Variants in PAPSS1 observed in about 807,000 individuals in gnomAD.
PAPSS1 encodes 3'-phosphoadenosine 5'-phosphosulfate synthase 1.
PAPSS1 carries 50 observed loss-of-function variants against 72.0 expected under a neutral mutation model. The observed-to-expected ratio is 0.69, with a 90% CI of 0.55 to 0.88. PAPSS1 has a LOEUF of 0.88. Among genes scored for constraint, PAPSS1 ranks in the 40% least tolerant of loss-of-function variants. The probability of loss-of-function intolerance (pLI) is 0.00; values close to 1 mark genes in which losing one functional copy is unlikely to be tolerated. For synonymous variants in PAPSS1, 261 were observed against 263.6 expected, an observed-to-expected ratio of 0.99 and a Z score of 0.09; for missense variants, 657 against 782.2, an observed-to-expected ratio of 0.84 and a Z score of 1.91.
At chr4:107,674,102 T>C (rs1727573436) in intron 5 of PAPSS1, among the ~76,000 whole-genome samples, 1 of 151,724 alleles carries the variant, frequency 6.6e-6, no homozygotes, top group African/African-American at 2.4e-5. Flanking sequence ...TGTGACAAAT[T>C]GTAAAGACCG....
chr4:107,703,471 C>G (rs1386757762), intron 1 of PAPSS1, among the ~76,000 whole-genome samples: 3 of 150,016 alleles, frequency 2.0e-5, no homozygotes, highest in African/African-American at 7.3e-5. Context: ...TCCTACTTTC[C>G]TCTAGCAGTT....
chr4:107,627,288 A>T (rs1254203275), intron 11 of PAPSS1, among the ~76,000 whole-genome samples: 2 of 152,360 alleles, frequency 1.3e-5, no homozygotes, highest in Admixed American at 1.3e-4. Context: ...GCATTTAGCC[A>T]TTAGCAGAAT....
At chr4:107,640,151 A>C (rs1726497445) in intron 10 of PAPSS1, among the ~76,000 whole-genome samples, 1 of 152,236 alleles carries the variant, frequency 6.6e-6, no homozygotes, top group South Asian at 2.1e-4. Flanking sequence ...AAATAGATTC[A>C]GTATTTAGTG....
chr4:107,667,843 T>C (rs1727359983), intron 5 of PAPSS1, among the ~76,000 whole-genome samples: 1 of 152,212 alleles, frequency 6.6e-6, no homozygotes, highest in African/African-American at 2.4e-5. Context: ...TGCACTTACA[T>C]AGAACAAGCA....
intron 5 of PAPSS1, among the ~76,000 whole-genome samples, chr4:107,677,139 T>A: frequency 6.6e-6 from 1 of 152,104 alleles, no homozygotes; most frequent in Non-Finnish European, 1.5e-5. Context: ...GGACTTCATA[T>A]CTAAAACACC....
chr4:107,712,186 T>C (rs957628990), intron 1 of PAPSS1, among the ~76,000 whole-genome samples: 3 of 152,152 alleles, frequency 2.0e-5, no homozygotes, highest in Admixed American at 2.0e-4. Flanking sequence ...TACCTCCAAC[T>C]GGGAATTCCG....
intron 9 of PAPSS1, 103 bp downstream of exon 9, chr4:107,653,388 T>G: frequency 1.0e-6 from 1 of 980,456 alleles, no homozygotes; most frequent in South Asian, 2.3e-5. Context: ...ACTGCTATAT[T>G]TACCTGTACT....
chr4:107,651,413 C>T (rs929485830), intron 9 of PAPSS1, among the ~76,000 whole-genome samples: 2 of 152,150 alleles, frequency 1.3e-5, no homozygotes, highest in Non-Finnish European at 2.9e-5. Flanking sequence ...CTTCAGTTCA[C>T]ACAACAAAAA....
rs137920897 is a variant in PAPSS1 at position 107,687,133 on chromosome 4, C to T, written c.456G>A (p.Pro152=). 2.8e-4 allele frequency: 452 copies of T among 1,596,340 alleles called. 3 individuals are homozygous for T. In the African/African-American group the frequency reaches 5.4e-3, roughly 19 times the overall value. ...GAGCATCAACAAATACTTCAAAAAA[C>T]GGTAAACTTGCACCTTCATGAATTT... ...ARQIHEGASL[P]FFEVFVDAPL... is the part of the protein sequence containing the mutation. Residue 152 remains proline, a synonymous_variant, in exon 4 of 12, where the codon CCG becomes CCA. Transcript: ENST00000265174.
intron 10 of PAPSS1, among the ~76,000 whole-genome samples, chr4:107,642,477 A>G (rs943711959): frequency 9.2e-5 from 14 of 152,190 alleles, no homozygotes; most frequent in Non-Finnish European, 1.5e-4. Flanking sequence ...TTATAACATA[A>G]GTTATAAAAC....
intron 4 of PAPSS1, among the ~76,000 whole-genome samples, chr4:107,684,117 C>G (rs1309229836): frequency 6.6e-6 from 1 of 152,122 alleles, no homozygotes; most frequent in Non-Finnish European, 1.5e-5. Flanking sequence ...AGAGTACAAA[C>G]TGTAAGAGAC....
chr4:107,642,088 A>C (rs913123159), intron 10 of PAPSS1, among the ~76,000 whole-genome samples: 1 of 152,170 alleles, frequency 6.6e-6, no homozygotes, highest in Non-Finnish European at 1.5e-5. Flanking sequence ...TATACAAAGA[A>C]TATCACAACC....
chr4:107,697,175 G>A (rs1723091807), intron 2 of PAPSS1, among the ~76,000 whole-genome samples: 1 of 152,228 alleles, frequency 6.6e-6, no homozygotes, highest in African/African-American at 2.4e-5. Context: ...AGCAGCATCT[G>A]AGTAAGTCAT....
At chr4:107,685,583 A>G (rs1047020834) in intron 4 of PAPSS1, among the ~76,000 whole-genome samples, 21 of 152,208 alleles carry the variant, frequency 1.4e-4, no homozygotes, top group African/African-American at 5.1e-4. Flanking sequence ...CTGGTTAAGC[A>G]GCCTGATCTT....
Position 107,659,992 on chromosome 4 carries a change from A to T in PAPSS1, c.750T>A (p.Asp250Glu). Residue 250 changes from aspartate to glutamate, a missense_variant, in exon 6 of 12, where the codon GAT becomes GAA. Physicochemically the swap from Asp to Glu is conservative, Grantham distance 45. This residue lies in a region of PAPSS1 where 190 missense variants were observed against 176.7 expected (regional missense o/e 1.07). Coordinates refer to ENST00000265174, the MANE Select transcript of PAPSS1 (RefSeq NM_005443.5). ...TTTTCAGTGCTGGTAATGTTTCCGCATCTGTTTTTGCCAAATGAAGTTTAT... is the reference window on the plus strand; with the variant it reads ...TTTTCAGTGCTGGTAATGTTTCCGCTTCTGTTTTTGCCAAATGAAGTTTAT... ...PENKLHLAKTDAETLPALKIN... is the reference protein window; with the variant it reads ...PENKLHLAKTEAETLPALKIN... 8 of 1,605,624 alleles carry T rather than the reference A, an allele frequency of 5.0e-6. No individual in the cohort carries two copies. Among genetic ancestry groups the T allele is most frequent in the Non-Finnish European group, 6.8e-6 (8 of 1,174,862 alleles).
intron 4 of PAPSS1, among the ~76,000 whole-genome samples, chr4:107,686,372 G>A (rs1403087363): frequency 6.6e-6 from 1 of 152,098 alleles, no homozygotes; most frequent in Non-Finnish European, 1.5e-5. Context: ...ATAATACCTA[G>A]TACAATGTAA....
At chr4:107,627,766 GA>G (rs1431429216) in intron 11 of PAPSS1, among the ~76,000 whole-genome samples, 1 of 151,996 alleles carries the variant, frequency 6.6e-6, no homozygotes, top group Non-Finnish European at 1.5e-5. Context: ...CCTTTTGGTA[GA>G]AAAGGTCCAT....
intron 10 of PAPSS1, among the ~76,000 whole-genome samples, chr4:107,643,858 CT>C (rs1269443914): frequency 1.3e-5 from 2 of 151,990 alleles, no homozygotes; most frequent in Non-Finnish European, 2.9e-5. Context: ...TTCATATATA[CT>C]TTCTCATATA....
chr4:107,647,465 C>A (rs1038836378), intron 9 of PAPSS1, among the ~76,000 whole-genome samples: 2 of 151,272 alleles, frequency 1.3e-5, no homozygotes, highest in African/African-American at 4.9e-5. Context: ...GTGGTCCTTA[C>A]CTCTCTACTG....
Sources: allele counts gnomAD v4.1 joint callset (sites outside exome capture counted in the v4.1 genomes callset), GRCh38; gene constraint gnomAD v4.1.1; regional missense constraint gnomAD v4.1.1; transcripts MANE v1.5; gene names NCBI Gene and HGNC (gene_info 2026-07-23, HGNC 2026-07-21).